Variants in IQCE observed in about 807,000 individuals in gnomAD.
IQCE encodes IQ domain-containing protein E.
In IQCE, 115 loss-of-function variants were observed where a neutral mutation model predicts 96.0. The ratio of observed to expected loss-of-function variants is 1.20; its 90% CI spans 1.03 to 1.40. The LOEUF (loss-of-function observed/expected upper bound fraction) is 1.40, where lower values mean the gene tolerates loss of function less well. Ranked by LOEUF, IQCE falls within the 40% of genes most tolerant of loss-of-function variation. The pLI is 0.00. For synonymous variants in IQCE, 412 were observed against 371.2 expected (o/e 1.11, Z -1.26); for missense variants, 1,041 against 909.1 (o/e 1.15, Z -1.87).
intron 15 of IQCE, among the ~76,000 whole-genome samples, chr7:2,594,644 G>A (rs530143474): frequency 2.0e-5 from 3 of 152,362 alleles, no homozygotes; most frequent in East Asian, 1.9e-4. Flanking sequence ...CTCAGCCACG[G>A]CCTCGTGGGG....
At chr7:2,565,932 C>G (rs1400441661) in intron 1 of IQCE, among the ~76,000 whole-genome samples, 4 of 152,180 alleles carry the variant, frequency 2.6e-5, no homozygotes, top group Non-Finnish European at 2.9e-5. Flanking sequence ...TGCACCTTAT[C>G]CATGTTATCA....
chr7:2,582,202 A>G (rs1209500132), intron 8 of IQCE: 2 of 386,780 alleles, frequency 5.2e-6, no homozygotes, highest in East Asian at 1.4e-4. Context: ...GGGCGGCCCT[A>G]GGGGCTTCAG....
chr7:2,609,435 G>A (rs1785014793), intron 21 of IQCE, among the ~76,000 whole-genome samples: 1 of 151,706 alleles, frequency 6.6e-6, no homozygotes, highest in Non-Finnish European at 1.5e-5. Context: ...ATGAGCCACT[G>A]CACCCAGCAG....
rs1352003830 is a variant in IQCE, at chr7:2,607,413, C to T, written c.1969+186C>T. ...GGCCCACAACAGGGCCCCGCCTTGG[C>T]CCAGCTTGTCCTTTGTGCCTGGAAT... On this transcript the variant is annotated intron_variant, in intron 21 of 21. Transcript: ENST00000402050. 3.2e-5 allele frequency: 43 copies of T among 1,353,974 alleles called. 1 individual carries two copies. Among genetic ancestry groups the T allele is most frequent in the Non-Finnish European group, 4.0e-5 (42 of 1,055,514 alleles). 83.9% of individuals were successfully genotyped at this position (1,353,974 alleles called of 1,614,324 possible). A position where few individuals can be genotyped will look rare whatever the true frequency, so the allele number is the denominator to read the frequency against.
At chr7:2,598,125 C>T in intron 16 of IQCE, 1 of 232,024 alleles carries the variant, frequency 4.3e-6, no homozygotes, top group Non-Finnish European at 8.3e-6. Flanking sequence ...ACAGACAATT[C>T]TTGCAGGAAC....
intron 14 of IQCE, among the ~76,000 whole-genome samples, chr7:2,591,444 A>G (rs1783578095): frequency 6.6e-6 from 1 of 151,726 alleles, no homozygotes; most frequent in Non-Finnish European, 1.5e-5. Flanking sequence ...CACCTCCATC[A>G]TCTTTGGAAT....
chr7:2,601,679 A>T, intron 18 of IQCE: 1 of 511,284 alleles, frequency 2.0e-6, no homozygotes, highest in Non-Finnish European at 3.5e-6. Flanking sequence ...CCTCCCTAGT[A>T]GCTGGGATTA....
intron 18 of IQCE, 31 bp downstream of exon 18, chr7:2,601,495 T>A: frequency 6.5e-7 from 1 of 1,539,710 alleles, no homozygotes; most frequent in Non-Finnish European, 9.0e-7. Flanking sequence ...GTTTCAAAAT[T>A]CGGATTTGTA....
chr7:2,594,932 A>G lies in IQCE; in HGVS notation c.1396A>G (p.Met466Val). The change falls in exon 16 of 22, where the codon ATG becomes GTG. Residue 466 changes from methionine to valine, a missense_variant. Physicochemically the swap from Met to Val is conservative, Grantham distance 21. Transcript: ENST00000402050. ...LTSKLQELQE[M>V]KKEEKEDCPE... ...CAGCAAGCTCCAAGAATTGCAAGAAATGAAGAAAGAAGAGAAAGAGGATTG... is the reference window on the plus strand; with the variant it reads ...CAGCAAGCTCCAAGAATTGCAAGAAGTGAAGAAAGAAGAGAAAGAGGATTG... The G allele has an allele frequency of 6.2e-7, 1 of 1,614,060 alleles. No individual in the cohort carries two copies. The highest frequency in any genetic ancestry group is 8.5e-7 in the Non-Finnish European group (1 of 1,179,890).
chr7:2,565,652 C>T (rs1054484443), intron 1 of IQCE, among the ~76,000 whole-genome samples: 5 of 152,160 alleles, frequency 3.3e-5, no homozygotes, highest in Admixed American at 1.3e-4. Context: ...TCTGATCCCC[C>T]GCTAACCTGT....
At chr7:2,593,190 G>GC (rs1012137680) in intron 15 of IQCE, 64 bp downstream of exon 15, 7 of 1,522,390 alleles carry the variant, frequency 4.6e-6, no homozygotes, top group East Asian at 4.6e-5. Context: ...TACCACTGCG[G>GC]CCCCCCGTGG....
At position 2,598,506 on chromosome 7, in the gene IQCE, C is replaced by T. The variant is rs568245496; in HGVS notation, c.1482C>T (p.Cys494=). The change falls in exon 17 of 22, where the codon TGC becomes TGT. Residue 494 remains cysteine (C), a synonymous_variant. Coordinates refer to ENST00000402050, the MANE Select transcript of IQCE (RefSeq NM_152558.5). ...LPAPTPSSRH[C]EQDWPPDSSE... ...CTCCCACTCCCAGCAGCAGGCACTG[C>T]GAGCAAGACTGGCCGCCGGATTCCA... is the stretch of plus-strand genomic sequence containing the variant. The T allele has an allele frequency of 9.3e-5, 150 of 1,606,774 alleles. 3 individuals are homozygous for T. In the East Asian group the frequency reaches 1.8e-3, roughly 20 times the overall value.
chr7:2,563,063 C>G (rs577337177), intron 1 of IQCE, among the ~76,000 whole-genome samples: 47 of 152,114 alleles, frequency 3.1e-4, no homozygotes, highest in African/African-American at 1.1e-3. Context: ...GTAGCTGGGA[C>G]TACAGGCGTG....
chr7:2,571,519 T>A lies in IQCE; in HGVS notation c.131-7T>A. 1 of 1,606,184 alleles carries A rather than the reference T, an allele frequency of 6.2e-7. No homozygotes were observed. The highest frequency in any genetic ancestry group is 8.5e-7 in the Non-Finnish European group (1 of 1,179,944). ...GCACCTCTGAATCCACGTGTTGGCT[T>A]TTCCAGAGTCACCTTATCTCTCTAA... On this transcript the variant is annotated splice_polypyrimidine_tract_variant and splice_region_variant and intron_variant, in intron 3 of 21. Transcript: ENST00000402050.
rs1405907312 is a variant in IQCE at position 2,604,920 on chromosome 7, AC to A, written c.1673del (p.Thr558SerfsTer6). On this transcript the variant is annotated frameshift_variant, in exon 19 of 22. Coordinates refer to ENST00000402050, the MANE Select transcript of IQCE (RefSeq NM_152558.5). LOFTEE classifies it high-confidence loss of function. ...TCAGGCAGCTTTCAGGGGACATCTC[AC>A]GCGGACAAAGCTCTTAGCAAGCAAA... Reference protein sequence around the residue: ...VLQAAFRGHLTRTKLLASKAH... With the variant: ...VLQAAFRGHLXRTKLLASKAH... The A allele has an allele frequency of 6.2e-7, 1 of 1,613,236 alleles. No homozygotes were observed. Among genetic ancestry groups the A allele is most frequent in the Admixed American group, 1.7e-5 (1 of 59,984 alleles).
intron 16 of IQCE, among the ~76,000 whole-genome samples, chr7:2,596,110 G>A (rs571480734): frequency 7.2e-5 from 11 of 152,174 alleles, no homozygotes; most frequent in South Asian, 2.1e-4. Context: ...GGAGCTCATG[G>A]ATAAAACCAG....
chr7:2,565,521 C>T (rs1245727770), intron 1 of IQCE, among the ~76,000 whole-genome samples: 1 of 152,154 alleles, frequency 6.6e-6, no homozygotes, highest in Non-Finnish European at 1.5e-5. Flanking sequence ...TTATTCACAG[C>T]AAGGAATAAT....
chr7:2,569,130 C>G, intron 3 of IQCE, 131 bp downstream of exon 3: 1 of 817,872 alleles, frequency 1.2e-6, no homozygotes, highest in Non-Finnish European at 2.0e-6. Context: ...CCCATTCCCA[C>G]TGGGGTCTCC....
chr7:2,603,711 C>T (rs559407534), intron 18 of IQCE, among the ~76,000 whole-genome samples: 100 of 152,318 alleles, frequency 6.6e-4, no homozygotes, highest in African/African-American at 2.2e-3. Flanking sequence ...TCTGGCGGGT[C>T]GTTCACCGTT....
Sources: allele counts gnomAD v4.1 joint callset (sites outside exome capture counted in the v4.1 genomes callset), GRCh38; gene constraint gnomAD v4.1.1; transcripts MANE v1.5; gene names NCBI Gene and HGNC (gene_info 2026-07-23, HGNC 2026-07-21).